Variants in MGLL observed in about 807,000 individuals in gnomAD.
The protein encoded by MGLL is lysophospholipase homolog.
In MGLL, 7 loss-of-function variants were observed where a neutral mutation model predicts 29.1. That is an observed-to-expected ratio of 0.24 (90% CI 0.14 to 0.45). The LOEUF (loss-of-function observed/expected upper bound fraction) is 0.45. Ranked by LOEUF, MGLL falls within the 20% of genes least tolerant of loss-of-function variation. The probability of loss-of-function intolerance (pLI) is 0.99; values close to 1 mark genes in which losing one functional copy is unlikely to be tolerated. For missense variants in MGLL, 356 were observed against 413.6 expected, an observed-to-expected ratio of 0.86 and a Z score of 1.21; for synonymous variants, 148 against 168.3, an observed-to-expected ratio of 0.88 and a Z score of 0.93.
chr3:127,692,094 ATTTTTT>A lies in MGLL; in HGVS notation c.*98_*103del. The A allele has an allele frequency of 1.7e-4, 118 of 706,358 alleles. No individual in the cohort carries two copies. The highest frequency in any genetic ancestry group is 4.7e-4 in the Middle Eastern group (1 of 2,112). The allele number at this position is 706,358 out of a possible 1,614,324, so 43.8% of individuals were successfully genotyped here. On this transcript the variant is annotated 3_prime_UTR_variant, in exon 8 of 8. Coordinates refer to ENST00000265052, the MANE Select transcript of MGLL (RefSeq NM_007283.7). ...GTGCTAAGGATTTCTCCAATTTCTG[ATTTTTT>A]TTTTTTTTTTTTTTTGGCAAGCCAT...
At chr3:127,711,740 T>TG (rs1189586071) in intron 5 of MGLL, 2 of 151,606 alleles carry the variant, frequency 1.3e-5, no homozygotes, top group East Asian at 3.9e-4. Context: ...TTTTTTTTTT[T>TG]TTTTTGAGAG....
At chr3:127,716,703 C>G (rs1363626387) in intron 5 of MGLL, among the ~76,000 whole-genome samples, 1 of 152,244 alleles carries the variant, frequency 6.6e-6, no homozygotes, top group African/African-American at 2.4e-5. Context: ...CAGTGAAAGC[C>G]TTGCCATGAG....
At chr3:127,708,178 C>A (rs1373879859) in intron 6 of MGLL, among the ~76,000 whole-genome samples, 1 of 152,234 alleles carries the variant, frequency 6.6e-6, no homozygotes, top group Non-Finnish European at 1.5e-5. Context: ...CCTTTCCCAA[C>A]ACATTTTCCC....
chr3:127,792,081 A>AC (rs2077309621), intron 2 of MGLL, among the ~76,000 whole-genome samples: 1 of 152,118 alleles, frequency 6.6e-6, no homozygotes, highest in African/African-American at 2.4e-5. Flanking sequence ...AAACAAACGA[A>AC]CAAACATGCA....
chr3:127,804,899 C>T (rs928682826), intron 2 of MGLL, among the ~76,000 whole-genome samples: 1 of 152,188 alleles, frequency 6.6e-6, no homozygotes, highest in African/African-American at 2.4e-5. Context: ...CCAGCACAGG[C>T]TCTGCTGGGA....
Position 127,768,534 on chromosome 3 carries a change from G to A in MGLL, c.262+13255C>T, listed in dbSNP as rs184220947. 2.2e-3 allele frequency among the ~76,000 whole-genome samples: 332 copies of A among 152,232 alleles called. 3 individuals carry two copies. Among genetic ancestry groups the A allele is most frequent in the African/African-American group, 7.8e-3 (325 of 41,518 alleles). On this transcript the variant is annotated intron_variant, in intron 3 of 7. Transcript: ENST00000265052. ...ATTTTGGGGATGTGTAATGACTACTGGAGTCATAGAAATAAAATGTTAAGA... is the reference window on the plus strand; with the variant it reads ...ATTTTGGGGATGTGTAATGACTACTAGAGTCATAGAAATAAAATGTTAAGA...
chr3:127,758,904 C>CT (rs753605301), intron 3 of MGLL, among the ~76,000 whole-genome samples: 6,254 of 141,414 alleles, frequency 0.044, 193 homozygotes, highest in Non-Finnish European at 0.064. Context: ...CTTTCTTTTT[C>CT]TTTTTTTTTT....
intron 2 of MGLL, among the ~76,000 whole-genome samples, chr3:127,804,662 C>T (rs993912431): frequency 6.6e-6 from 1 of 152,124 alleles, no homozygotes. Flanking sequence ...ACATGTTTCC[C>T]CAAAACACAG....
chr3:127,786,361 T>C (rs909294534), intron 2 of MGLL, among the ~76,000 whole-genome samples: 4 of 152,236 alleles, frequency 2.6e-5, no homozygotes, highest in African/African-American at 9.6e-5. Context: ...AGCAGAGCCA[T>C]TTATGCAGAC....
chr3:127,744,414 G>T (rs1214981393), intron 3 of MGLL, among the ~76,000 whole-genome samples: 1 of 152,164 alleles, frequency 6.6e-6, no homozygotes, highest in Admixed American at 6.5e-5. Context: ...CGATCACATT[G>T]CCACGTGTCA....
chr3:127,735,687 T>C, intron 3 of MGLL: 1 of 1,589,262 alleles, frequency 6.3e-7, no homozygotes, highest in Non-Finnish European at 8.5e-7. Flanking sequence ...GGGGAATAAA[T>C]GAAACAGCTG....
intron 2 of MGLL, among the ~76,000 whole-genome samples, chr3:127,814,225 G>A (rs2077713602): frequency 6.6e-6 from 1 of 152,126 alleles, no homozygotes; most frequent in South Asian, 2.1e-4. Flanking sequence ...AGGTCAACTT[G>A]GGGCAGCTGC....
chr3:127,698,868 C>T (rs1463991173), intron 6 of MGLL, among the ~76,000 whole-genome samples: 1 of 152,240 alleles, frequency 6.6e-6, no homozygotes, highest in South Asian at 2.1e-4. Context: ...GTCTCTCACA[C>T]CGCCACCTTC....
intron 3 of MGLL, among the ~76,000 whole-genome samples, chr3:127,745,121 G>C (rs1415767573): frequency 1.3e-5 from 2 of 152,220 alleles, no homozygotes; most frequent in African/African-American, 4.8e-5. Flanking sequence ...CCACCGCTAT[G>C]ATCCTTGGTT....
At chr3:127,732,449 A>T (rs2076168499) in intron 3 of MGLL, among the ~76,000 whole-genome samples, 2 of 152,212 alleles carry the variant, frequency 1.3e-5, no homozygotes, top group Admixed American at 1.3e-4. Flanking sequence ...TGTCACTCTC[A>T]CAGCTCAGGG....
At chr3:127,764,865 G>A (rs1051427725) in intron 3 of MGLL, among the ~76,000 whole-genome samples, 1 of 152,132 alleles carries the variant, frequency 6.6e-6, no homozygotes, top group African/African-American at 2.4e-5. Flanking sequence ...ACATAGAGGA[G>A]CTCATTTGGT....
At chr3:127,702,987 G>A (rs72973314) in intron 6 of MGLL, among the ~76,000 whole-genome samples, 21,713 of 152,132 alleles carry the variant, frequency 0.14, 1,903 homozygotes, top group East Asian at 0.29. Context: ...GAGCCACCGC[G>A]TCCATCCAGC....
chr3:127,704,876 C>T (rs192047615), intron 6 of MGLL, among the ~76,000 whole-genome samples: 1 of 152,262 alleles, frequency 6.6e-6, no homozygotes, highest in Admixed American at 6.5e-5. Context: ...ACTGGGTATA[C>T]ACCCAAAGGA....
chr3:127,784,830 G>A (rs2077186096), intron 2 of MGLL, among the ~76,000 whole-genome samples: 1 of 152,112 alleles, frequency 6.6e-6, no homozygotes, highest in Non-Finnish European at 1.5e-5. Context: ...AGGACCTTAG[G>A]GTGTTTGGTA....
Sources: gnomAD v4.1 joint callset for allele counts (sites outside exome capture counted in the v4.1 genomes callset) on GRCh38, gnomAD v4.1.1 for gene constraint, MANE v1.5 for transcripts, NCBI Gene and HGNC (gene_info 2026-07-23, HGNC 2026-07-21) for gene names.